Variants in HMG20A observed in about 807,000 individuals in gnomAD.
The protein encoded by HMG20A is high mobility group protein 20A.
A neutral mutation model predicts 43.9 loss-of-function variants in HMG20A; 17 were observed. The ratio of observed to expected loss-of-function variants is 0.39; its 90% CI spans 0.27 to 0.58. HMG20A has a LOEUF of 0.58. HMG20A is among the 20% of genes least tolerant of loss of function. The pLI is 0.59. For synonymous variants in HMG20A, 132 were observed against 147.5 expected, an observed-to-expected ratio of 0.89 and a Z score of 0.76; for missense variants, 341 against 438.2, an observed-to-expected ratio of 0.78 and a Z score of 1.98.
chr15:77,519,964 G>A, the HMG20A span, among the ~76,000 whole-genome samples: 5 of 152,154 alleles, frequency 3.3e-5, no homozygotes, highest in African/African-American at 1.2e-4. Context: ...ACTTTGGGAG[G>A]CCAAGGCGGG....
At chr15:77,435,140 C>T (rs1463193794) in intron 1 of HMG20A, among the ~76,000 whole-genome samples, 3 of 152,020 alleles carry the variant, frequency 2.0e-5, no homozygotes, top group Non-Finnish European at 4.4e-5. Flanking sequence ...ATAGTAATTA[C>T]TTTTACAGGG....
At chr15:77,486,900 C>G (rs907228309), downstream of HMG20A, among the ~76,000 whole-genome samples, 1 of 152,166 alleles carries the variant, frequency 6.6e-6, no homozygotes, top group African/African-American at 2.4e-5. Flanking sequence ...GAGTTTGGCT[C>G]TACATTAAGC....
chr15:77,428,935 C>A (rs1227171896), intron 1 of HMG20A, among the ~76,000 whole-genome samples: 1 of 151,260 alleles, frequency 6.6e-6, no homozygotes. Flanking sequence ...TGCACTCCAA[C>A]CTGGGCTACA....
chr15:77,472,173 AGTT>A (rs1183363054), intron 6 of HMG20A, among the ~76,000 whole-genome samples: 1 of 151,506 alleles, frequency 6.6e-6, no homozygotes, highest in African/African-American at 2.4e-5. Context: ...CTCTCAGAAA[AGTT>A]GTTATTTAAA....
At chr15:77,510,222 C>T in the HMG20A span, among the ~76,000 whole-genome samples, 2 of 152,196 alleles carry the variant, frequency 1.3e-5, no homozygotes, top group Non-Finnish European at 2.9e-5. Flanking sequence ...CAGCATGCCT[C>T]AGTGAGCTCT....
intron 1 of HMG20A, among the ~76,000 whole-genome samples, chr15:77,454,477 G>A (rs868426577): frequency 2.0e-5 from 3 of 152,238 alleles, no homozygotes; most frequent in Middle Eastern, 6.8e-3. Context: ...TGGAGGATTT[G>A]GGTGAGTTTG....
At chr15:77,514,561 G>A in the HMG20A span, among the ~76,000 whole-genome samples, 7 of 152,234 alleles carry the variant, frequency 4.6e-5, no homozygotes, top group African/African-American at 1.7e-4. Context: ...GTGGAGTGAA[G>A]TGTTGAAGGG....
In HMG20A at chr15:77,478,529, G is replaced by A. The variant is rs1412097126; in HGVS notation, c.907+19G>A. On this transcript the variant is annotated intron_variant, in intron 8 of 9. Coordinates refer to ENST00000336216, the MANE Select transcript of HMG20A (RefSeq NM_001304504.2). ...TTGCCTGGTAAGTCCTCCTGCCTGA[G>A]AACTGTCAGTGACAGGGGTGTGTGT... The A allele has an allele frequency of 6.3e-7, 1 of 1,598,224 alleles. No homozygotes were observed. The highest frequency in any genetic ancestry group is 2.2e-5 in the East Asian group (1 of 44,778).
chr15:77,470,913 T>C lies in HMG20A; in HGVS notation c.454T>C (p.Tyr152His). 1 of 1,552,926 alleles carries C rather than the reference T, an allele frequency of 6.4e-7. No homozygotes were observed. The highest frequency in any genetic ancestry group is 8.7e-7 in the Non-Finnish European group (1 of 1,146,528). ...TAATTCTGTATTTCTTTCCTAGCGCTACCTTGATGAAGCAGACAGAGATAA... is the reference window on the plus strand; with the variant it reads ...TAATTCTGTATTTCTTTCCTAGCGCCACCTTGATGAAGCAGACAGAGATAA... ...SKLPPEEKQRYLDEADRDKER... is the reference protein window; with the variant it reads ...SKLPPEEKQRHLDEADRDKER... The change falls in exon 5 of 10, where the codon TAC becomes CAC. Residue 152 changes from tyrosine to histidine, a missense_variant. Physicochemically the swap from Tyr to His is moderately conservative, Grantham distance 83 (BLOSUM62 2). Around this residue, in one of 3 missense-constraint regions of HMG20A, gnomAD observed 220 missense variants for 263.6 expected, o/e 0.83. Transcript: ENST00000336216.
chr15:77,472,933 C>T (rs1019673972), intron 6 of HMG20A, among the ~76,000 whole-genome samples: 6 of 152,206 alleles, frequency 3.9e-5, no homozygotes, highest in African/African-American at 1.2e-4. Context: ...TACCACCTAT[C>T]ATGATACCTT....
chr15:77,511,273 G>T, the HMG20A span, among the ~76,000 whole-genome samples: 1 of 152,022 alleles, frequency 6.6e-6, no homozygotes, highest in African/African-American at 2.4e-5. Context: ...ATAAATATAT[G>T]TGTATACACA....
intron 1 of HMG20A, among the ~76,000 whole-genome samples, chr15:77,457,098 G>T (rs183144428): frequency 2.4e-4 from 36 of 152,222 alleles, no homozygotes; most frequent in Admixed American, 2.2e-3. Flanking sequence ...TATGGAACTT[G>T]GCCTGCTAAA....
chr15:77,471,704 T>C, intron 5 of HMG20A, 79 bp from the exon 6 acceptor site: 3 of 860,558 alleles, frequency 3.5e-6, no homozygotes, highest in Non-Finnish European at 5.9e-6. Context: ...GGTTTTATAG[T>C]TTGGCAGAGT....
intron 7 of HMG20A, 61 bp from the exon 8 acceptor site, chr15:77,478,234 T>C (rs952212943): frequency 5.8e-6 from 9 of 1,546,338 alleles, no homozygotes; most frequent in East Asian, 2.2e-5. Context: ...GTAAGAGTCA[T>C]TGGGACTCCT....
chr15:77,446,369 T>C (rs2073674065), intron 1 of HMG20A, among the ~76,000 whole-genome samples: 1 of 152,172 alleles, frequency 6.6e-6, no homozygotes, highest in South Asian at 2.1e-4. Context: ...CTCTGTATCT[T>C]TGATGCCTAA....
intron 1 of HMG20A, among the ~76,000 whole-genome samples, chr15:77,434,341 T>A (rs982057488): frequency 7.6e-6 from 1 of 131,800 alleles, no homozygotes; most frequent in African/African-American, 2.8e-5. Flanking sequence ...ATTAAAAACT[T>A]CATAAACTCA....
chr15:77,431,831 C>G (rs1024633754), intron 1 of HMG20A, among the ~76,000 whole-genome samples: 1 of 149,990 alleles, frequency 6.7e-6, no homozygotes, highest in Admixed American at 6.6e-5. Context: ...CCATTCTACT[C>G]TATACTTCCA....
At chr15:77,515,456 G>C in the HMG20A span, among the ~76,000 whole-genome samples, 2 of 151,824 alleles carry the variant, frequency 1.3e-5, no homozygotes, top group Non-Finnish European at 2.9e-5. Flanking sequence ...GACTGGCTAA[G>C]TTTTGTATTT....
rs1316884166 is a variant in HMG20A, at chr15:77,478,503, C to T, written c.900C>T (p.Pro300=). The change falls in exon 8 of 10, where the codon CCC becomes CCT. Residue 300 remains proline, a synonymous_variant. Coordinates refer to ENST00000336216, the MANE Select transcript of HMG20A (RefSeq NM_001304504.2). ...QVLTSSFASM[P]LPGSGETPTV... ...TGACCAGCAGCTTTGCCAGCATGCC[C>T]TTGCCTGGTAAGTCCTCCTGCCTGA... 7 of 1,609,470 alleles carry T rather than the reference C, an allele frequency of 4.3e-6. No homozygotes were observed. In the East Asian group the frequency reaches 1.6e-4, roughly 36 times the overall value.
Sources: allele counts gnomAD v4.1 joint callset (sites outside exome capture counted in the v4.1 genomes callset), GRCh38; gene constraint gnomAD v4.1.1; regional missense constraint gnomAD v4.1.1; transcripts MANE v1.5; gene names NCBI Gene and HGNC (gene_info 2026-07-23, HGNC 2026-07-21).